ABCG4: variants seen among roughly 807,000 people sequenced by gnomAD.
ABCG4 encodes ATP binding cassette subfamily G member 4.
A neutral mutation model predicts 64.6 loss-of-function variants in ABCG4; 35 were observed. The ratio of observed to expected loss-of-function variants is 0.54; its 90% confidence interval spans 0.41 to 0.72. The LOEUF (loss-of-function observed/expected upper bound fraction) is 0.72. Among genes scored for constraint, ABCG4 ranks in the 30% least tolerant of loss-of-function variants. The probability of loss-of-function intolerance (pLI) is 0.00; values close to 1 mark genes in which losing one functional copy is unlikely to be tolerated. For synonymous variants in ABCG4, 326 were observed against 348.2 expected, an observed-to-expected ratio of 0.94 and a Z score of 0.71; for missense variants, 610 against 846.3, an observed-to-expected ratio of 0.72 and a Z score of 3.46.
Position 119,158,832 on chromosome 11 carries a change from C to G in ABCG4, c.1340C>G (p.Pro447Arg), listed in dbSNP as rs757341188. The G allele has an allele frequency of 1.2e-6, 2 of 1,614,158 alleles. No homozygotes were observed. The highest frequency in any genetic ancestry group is 1.7e-6 in the Non-Finnish European group (2 of 1,180,016). The change falls in exon 12 of 15, where the codon CCC becomes CGC. Residue 447 changes from proline (P) to arginine (R), a missense_variant. By Grantham distance (103) the Pro-to-Arg change is moderately radical (BLOSUM62 -2). Transcript: ENST00000619701. This position sits in a 1 kb window ranked among gnomAD's most constrained non-coding sequence, Gnocchi z 4.5. ...AALMPTVLTF[P>R]LEMAVFMREH... is the part of the protein sequence containing the mutation. Reference sequence around the variant, plus strand: ...CCTAAGCAGCCTGTGTCCTCAGTCCCCTTAGAGATGGCGGTCTTCATGAGG... The same window carrying G: ...CCTAAGCAGCCTGTGTCCTCAGTCCGCTTAGAGATGGCGGTCTTCATGAGG...
Position 119,158,390 on chromosome 11 carries a change from G to C in ABCG4, c.1167+58G>C, listed in dbSNP as rs766171479. On this transcript the variant is annotated intron_variant, in intron 10 of 14. Coordinates refer to ENST00000619701, the MANE Select transcript of ABCG4 (RefSeq NM_022169.5). This position sits in a 1 kb window ranked among gnomAD's most constrained non-coding sequence, Gnocchi z 4.5. Reference sequence around the variant, plus strand: ...CACAGGCCTGACCTTTTGGGCTGTAGGATCCCAGCAGCTGAAATGGGAATG... The same window carrying C: ...CACAGGCCTGACCTTTTGGGCTGTACGATCCCAGCAGCTGAAATGGGAATG... The C allele has an allele frequency of 5.0e-6, 8 of 1,587,594 alleles. No homozygotes were observed. The highest frequency in any genetic ancestry group is 6.1e-6 in the Non-Finnish European group (7 of 1,156,966).
Position 119,154,761 on chromosome 11 carries a change from T to A in ABCG4, c.541-9T>A. 6.2e-7 allele frequency: 1 copy of A among 1,602,684 alleles called. No homozygotes were observed. On this transcript the variant is annotated splice_polypyrimidine_tract_variant and intron_variant, in intron 5 of 14. Transcript: ENST00000619701. This position sits in a 1 kb window ranked among gnomAD's most constrained non-coding sequence, Gnocchi z 7.0. ...CGAAGCTGACCTGGCATGGGTGGGGTGGGGCCAGGTGACAGAGATCCTGAC... is the reference window on the plus strand; with the variant it reads ...CGAAGCTGACCTGGCATGGGTGGGGAGGGGCCAGGTGACAGAGATCCTGAC...
At chr11:119,159,140 G>A (rs181830975) in intron 12 of ABCG4, among the ~76,000 whole-genome samples, 9 of 152,338 alleles carry the variant, frequency 5.9e-5, no homozygotes, top group African/African-American at 1.4e-4. Flanking sequence ...TCTTGACCAT[G>A]TGGAACTTAT....
chr11:119,150,131 C>T lies in ABCG4; in HGVS notation c.166C>T (p.Arg56Cys), dbSNP rs1948175299. The T allele has an allele frequency of 1.2e-6, 2 of 1,614,014 alleles. No homozygotes were observed. The highest frequency in any genetic ancestry group is 8.5e-7 in the Non-Finnish European group (1 of 1,180,006). The change falls in exon 2 of 15, where the codon CGC becomes TGC. Residue 56 changes from arginine to cysteine, a missense_variant. Transcript: ENST00000619701. This position sits in a 1 kb window ranked among gnomAD's most constrained non-coding sequence, Gnocchi z 4.3. ...CCAGCGCTTCTCCCACCTACCCAAG[C>T]GCTCAGCCGTGGACATCGAGTTCGT... ...EAQRFSHLPK[R>C]SAVDIEFVEL...
At position 119,160,608 on chromosome 11, in the gene ABCG4, A is replaced by G. The variant is rs1948336421; in HGVS notation, c.1667A>G (p.Lys556Arg). 3.1e-6 allele frequency: 5 copies of G among 1,613,484 alleles called. No individual in the cohort carries two copies. In the South Asian group the frequency reaches 4.4e-5, roughly 14 times the overall value. ...TTCTCCGGCTTCTTTGTCAGCTTCA[A>G]GACCATCCCCACTTACCTGCAATGG... ...LLFSGFFVSF[K>R]TIPTYLQWSS... The change falls in exon 14 of 15, where the codon AAG (lysine) becomes AGG (arginine). Residue 556 changes from lysine (K) to arginine (R), a missense_variant. Lys to Arg is a conservative substitution (Grantham distance 26, BLOSUM62 2). Transcript: ENST00000619701. This position sits in a 1 kb window ranked among gnomAD's most constrained non-coding sequence, Gnocchi z 4.6.
Position 119,158,953 on chromosome 11 carries a change from C to T in ABCG4, c.1437+24C>T. ...AGGTGGGCCTCTTCCTCCCACCTGCCCACTGCCTCCATCTTGTCTTGCTCC... is the reference window on the plus strand; with the variant it reads ...AGGTGGGCCTCTTCCTCCCACCTGCTCACTGCCTCCATCTTGTCTTGCTCC... On this transcript the variant is annotated intron_variant, in intron 12 of 14. Coordinates refer to ENST00000619701, the MANE Select transcript of ABCG4 (RefSeq NM_022169.5). This position sits in a 1 kb window ranked among gnomAD's most constrained non-coding sequence, Gnocchi z 4.5. 1 of 1,597,040 alleles carries T rather than the reference C, an allele frequency of 6.3e-7. No individual in the cohort carries two copies. Among genetic ancestry groups the T allele is most frequent in the East Asian group, 2.2e-5 (1 of 44,798 alleles).
Position 119,154,302 on chromosome 11 carries a change from A to G in ABCG4, c.399A>G (p.Pro133=). Residue 133 remains proline, a synonymous_variant, in exon 4 of 15, where the codon CCA becomes CCG. Coordinates refer to ENST00000619701, the MANE Select transcript of ABCG4 (RefSeq NM_022169.5). This position sits in a 1 kb window ranked among gnomAD's most constrained non-coding sequence, Gnocchi z 7.0. ...GGCAGATCCTGGTTAATGGAAGGCCACGGGAGCTGAGGACCTTCCGCAAGA... is the reference window on the plus strand; with the variant it reads ...GGCAGATCCTGGTTAATGGAAGGCCGCGGGAGCTGAGGACCTTCCGCAAGA... ...MKGQILVNGR[P]RELRTFRKMS... The G allele has an allele frequency of 6.2e-7, 1 of 1,614,208 alleles. No individual in the cohort carries two copies. Among genetic ancestry groups the G allele is most frequent in the Middle Eastern group, 1.6e-4 (1 of 6,062 alleles).
Position 119,160,390 on chromosome 11 carries a change from G to T in ABCG4, c.1596+5G>T. ...GCTGCTTCCAACTCCCTACAGGTGG[G>T]AGGGCTGGCAGTTGGGAATTCCCAA... On this transcript the variant is annotated splice_donor_5th_base_variant and intron_variant, in intron 13 of 14. Coordinates refer to ENST00000619701, the MANE Select transcript of ABCG4 (RefSeq NM_022169.5). This position sits in a 1 kb window ranked among gnomAD's most constrained non-coding sequence, Gnocchi z 4.6. 1.9e-6 allele frequency: 3 copies of T among 1,605,802 alleles called. No individual in the cohort carries two copies. Among genetic ancestry groups the T allele is most frequent in the Non-Finnish European group, 2.6e-6 (3 of 1,173,372 alleles).
In ABCG4 at chr11:119,154,888, C is replaced by A; in HGVS notation, c.659C>A (p.Pro220His). ...GCCCTGGAGCTGGTCAACAACCCGCCTGTCATGTTCTTTGATGAGCCCACC... is the reference window on the plus strand; with the variant it reads ...GCCCTGGAGCTGGTCAACAACCCGCATGTCATGTTCTTTGATGAGCCCACC... The part of the protein sequence containing the change: ...AIALELVNNP[P>H]VMFFDEPTSG... Residue 220 changes from proline to histidine, a missense_variant, in exon 6 of 15, where the codon CCT (proline) becomes CAT (histidine). Physicochemically the swap from Pro to His is moderately conservative, Grantham distance 77 (BLOSUM62 -2). Coordinates refer to ENST00000619701, the MANE Select transcript of ABCG4 (RefSeq NM_022169.5). The surrounding 1 kb of genome is among the most constrained non-coding windows in gnomAD (Gnocchi z 7.0). 1 of 1,613,072 alleles carries A rather than the reference C, an allele frequency of 6.2e-7. No individual in the cohort carries two copies. The highest frequency in any genetic ancestry group is 8.5e-7 in the Non-Finnish European group (1 of 1,179,108).
At position 119,160,867 on chromosome 11, in the gene ABCG4, C is replaced by T; in HGVS notation, c.1716-14C>T. On this transcript the variant is annotated splice_polypyrimidine_tract_variant and intron_variant, in intron 14 of 14. Transcript: ENST00000619701. This position sits in a 1 kb window ranked among gnomAD's most constrained non-coding sequence, Gnocchi z 4.6. The stretch of plus-strand genomic sequence containing the variant: ...CTGTGTGCTGTATCCCATCTGATAT[C>T]CCTGCCTGCCTAGGTATGGCTTTGA... The T allele has an allele frequency of 1.9e-6, 3 of 1,610,716 alleles. No homozygotes were observed. The highest frequency in any genetic ancestry group is 2.2e-5 in the South Asian group (2 of 90,776).
In ABCG4 at chr11:119,161,990, A is replaced by G. The variant is rs929990426; in HGVS notation, c.*884A>G. 1 of 153,028 alleles carries G rather than the reference A, an allele frequency of 6.5e-6. No homozygotes were observed. The highest frequency in any genetic ancestry group is 1.5e-5 in the Non-Finnish European group (1 of 68,328). The allele number at this position is 153,028 out of a possible 1,614,324, so 9.5% of individuals were successfully genotyped here. ...ACAGGCACATACATGAGAACAGGCC[A>G]TCTCAGCCCTACACACTTGCCATCC... On this transcript the variant is annotated 3_prime_UTR_variant, in exon 15 of 15. Coordinates refer to ENST00000619701, the MANE Select transcript of ABCG4 (RefSeq NM_022169.5).
At position 119,160,247 on chromosome 11, in the gene ABCG4, C is replaced by T; in HGVS notation, c.1458C>T (p.Tyr486=). Residue 486 remains tyrosine (Y), a synonymous_variant, in exon 13 of 15, where the codon TAC becomes TAT. Coordinates refer to ENST00000619701, the MANE Select transcript of ABCG4 (RefSeq NM_022169.5). This position sits in a 1 kb window ranked among gnomAD's most constrained non-coding sequence, Gnocchi z 4.6. ...VPFQVVCPVV[Y]CSIVYWMTGQ... ...CCCAGGTGGTGTGTCCGGTGGTCTA[C>T]TGCAGCATTGTGTACTGGATGACGG... 1 of 1,612,280 alleles carries T rather than the reference C, an allele frequency of 6.2e-7. No individual in the cohort carries two copies. Among genetic ancestry groups the T allele is most frequent in the South Asian group, 1.1e-5 (1 of 91,026 alleles).
Position 119,156,181 on chromosome 11 carries a change from T to C in ABCG4, c.687-148T>C. On this transcript the variant is annotated intron_variant, in intron 6 of 14. Coordinates refer to ENST00000619701, the MANE Select transcript of ABCG4 (RefSeq NM_022169.5). The surrounding 1 kb of genome is among the most constrained non-coding windows in gnomAD (Gnocchi z 5.5). ...CTTGGCTTCTGGGTATCCCTCCAAG[T>C]GCCTGAACCGTAAAGGATACAGATG... 1 of 1,048,088 alleles carries C rather than the reference T, an allele frequency of 9.5e-7. No homozygotes were observed. Among genetic ancestry groups the C allele is most frequent in the Non-Finnish European group, 1.4e-6 (1 of 708,550 alleles). 64.9% of individuals were successfully genotyped at this position (1,048,088 alleles called of 1,614,324 possible).
Position 119,158,194 on chromosome 11 carries a change from G to T in ABCG4, c.1069-40G>T, listed in dbSNP as rs1948292392. 2 of 1,511,282 alleles carry T rather than the reference G, an allele frequency of 1.3e-6. No individual in the cohort carries two copies. Among genetic ancestry groups the T allele is most frequent in the Non-Finnish European group, 1.8e-6 (2 of 1,111,870 alleles). The allele number at this position is 1,511,282 out of a possible 1,614,324, so 93.6% of individuals were successfully genotyped here. ...AGCTGGGTGTTCTGTGGGTGAATGG[G>T]GTAGGCTCACCTGATCCCGATCCAA... On this transcript the variant is annotated intron_variant, in intron 9 of 14. Transcript: ENST00000619701. The surrounding 1 kb of genome is among the most constrained non-coding windows in gnomAD (Gnocchi z 4.5).
In ABCG4 at chr11:119,160,566, C is replaced by T. The variant is rs970137459; in HGVS notation, c.1625C>T (p.Ala542Val). ...QVATFVGPVT[A>V]IPVLLFSGFF... ...GCCACTTTTGTGGGCCCAGTTACCG[C>T]CATCCCTGTCCTCTTGTTCTCCGGC... Residue 542 changes from alanine (A) to valine (V), a missense_variant, in exon 14 of 15, where the codon GCC (alanine) becomes GTC (valine). Transcript: ENST00000619701. The surrounding 1 kb of genome is among the most constrained non-coding windows in gnomAD (Gnocchi z 4.6). The T allele has an allele frequency of 1.2e-6, 2 of 1,612,016 alleles. No individual in the cohort carries two copies. Among genetic ancestry groups the T allele is most frequent in the Non-Finnish European group, 8.5e-7 (1 of 1,179,962 alleles).
chr11:119,158,243 C>T lies in ABCG4; in HGVS notation c.1078C>T (p.Pro360Ser), dbSNP rs765259348. The T allele has an allele frequency of 3.8e-6, 6 of 1,587,502 alleles. No homozygotes were observed. In the Admixed American group the frequency reaches 6.8e-5, roughly 18 times the overall value. The change falls in exon 10 of 15, where the codon CCC becomes TCC. Residue 360 changes from proline (P) to serine (S), a missense_variant. Transcript: ENST00000619701. The surrounding 1 kb of genome is among the most constrained non-coding windows in gnomAD (Gnocchi z 4.5). ...PCPPCPPEVD[P>S]IESHTFATST... ...AATTTCTTCTTCCCAGGAAGTGGAT[C>T]CCATTGAAAGCCACACCTTTGCCAC...
At chr11:119,152,078 C>A (rs1305038421) in intron 2 of ABCG4, among the ~76,000 whole-genome samples, 1 of 152,238 alleles carries the variant, frequency 6.6e-6, no homozygotes, top group Non-Finnish European at 1.5e-5. Context: ...TTGCCAGTTT[C>A]TTCTCCTGCA....
chr11:119,160,460 G>T lies in ABCG4; in HGVS notation c.1596+75G>T, dbSNP rs532536697. On this transcript the variant is annotated intron_variant, in intron 13 of 14. Coordinates refer to ENST00000619701, the MANE Select transcript of ABCG4 (RefSeq NM_022169.5). This position sits in a 1 kb window ranked among gnomAD's most constrained non-coding sequence, Gnocchi z 4.6. ...GGAGGAAGCAGGGCCTGGTGCAAGG[G>T]TTAGGGTGGAGCTCTAGGAAACCTG... The T allele has an allele frequency of 1.9e-6, 3 of 1,608,834 alleles. No individual in the cohort carries two copies. Among genetic ancestry groups the T allele is most frequent in the African/African-American group, 2.7e-5 (2 of 74,850 alleles).
Position 119,154,770 on chromosome 11 carries a change from G to A in ABCG4, c.541G>A (p.Val181Met), listed in dbSNP as rs373868091. ...CCTGGCATGGGTGGGGTGGGGCCAG[G>A]TGACAGAGATCCTGACGGCACTGGG... Reference protein sequence around the residue: ...SEKQEVKKELVTEILTALGLM... With the variant: ...SEKQEVKKELMTEILTALGLM... The change falls in exon 6 of 15, where the codon GTG becomes ATG. Residue 181 changes from valine (V) to methionine (M), a missense_variant and splice_region_variant. By Grantham distance (21) the Val-to-Met change is conservative. Coordinates refer to ENST00000619701, the MANE Select transcript of ABCG4 (RefSeq NM_022169.5). This position sits in a 1 kb window ranked among gnomAD's most constrained non-coding sequence, Gnocchi z 7.0. The A allele has an allele frequency of 1.7e-5, 28 of 1,607,830 alleles. No individual in the cohort carries two copies. The highest frequency in any genetic ancestry group is 1.6e-4 in the Middle Eastern group (1 of 6,064).
Sources: allele counts gnomAD v4.1 joint callset (sites outside exome capture counted in the v4.1 genomes callset), GRCh38; gene constraint gnomAD v4.1.1; non-coding constraint Gnocchi (gnomAD v3.1); transcripts MANE v1.5; gene names NCBI Gene and HGNC (gene_info 2026-07-23, HGNC 2026-07-21).